RBMS3: variants seen among roughly 807,000 people sequenced by gnomAD.
RBMS3 encodes the protein RNA binding motif single stranded interacting protein 3.
Under a neutral mutation model 66.8 loss-of-function variants are expected in RBMS3, and 27 were observed. The observed-to-expected ratio is 0.40, with a 90% confidence interval of 0.30 to 0.56. The LOEUF (loss-of-function observed/expected upper bound fraction) is 0.56. Among genes scored for constraint, RBMS3 ranks in the 20% least tolerant of loss-of-function variants. RBMS3 has a pLI of 0.40. For missense variants in RBMS3, 513 were observed against 549.5 expected, an observed-to-expected ratio of 0.93 and a Z score of 0.66; for synonymous variants, 188 against 183.0, an observed-to-expected ratio of 1.03 and a Z score of -0.22.
intron 1 of RBMS3, among the ~76,000 whole-genome samples, chr3:29,286,675 G>A (rs1409153657): frequency 6.6e-6 from 1 of 152,000 alleles, no homozygotes; most frequent in Non-Finnish European, 1.5e-5. Flanking sequence ...GAGGATGCAA[G>A]TTCATTCTAG....
At chr3:29,486,119 G>A (rs528812527) in intron 2 of RBMS3, among the ~76,000 whole-genome samples, 59 of 151,966 alleles carry the variant, frequency 3.9e-4, no homozygotes, top group African/African-American at 1.4e-3. Flanking sequence ...TGGTGGTTAC[G>A]TCTTTAAAAA....
intron 1 of RBMS3, among the ~76,000 whole-genome samples, chr3:29,311,671 G>T (rs2125467549): frequency 6.6e-6 from 1 of 151,926 alleles, no homozygotes; most frequent in African/African-American, 2.4e-5. Flanking sequence ...CCACTATAGA[G>T]TAATAGGCGT....
chr3:29,539,801 G>A (rs988158015), intron 3 of RBMS3, among the ~76,000 whole-genome samples: 9 of 152,246 alleles, frequency 5.9e-5, no homozygotes, highest in South Asian at 4.2e-4. Context: ...CAAAATTTTT[G>A]AATACTCAAA....
intron 12 of RBMS3, among the ~76,000 whole-genome samples, chr3:29,984,264 G>A (rs1159165305): frequency 3.3e-5 from 5 of 151,732 alleles, no homozygotes; most frequent in South Asian, 2.1e-4. Flanking sequence ...GCTCCATCAG[G>A]TCATATATGT....
intron 3 of RBMS3, among the ~76,000 whole-genome samples, chr3:29,567,266 C>T (rs2046777247): frequency 6.6e-6 from 1 of 151,940 alleles, no homozygotes; most frequent in South Asian, 2.1e-4. Flanking sequence ...GACTGGTTCC[C>T]AAAAAGGATG....
intron 7 of RBMS3, among the ~76,000 whole-genome samples, chr3:29,875,319 C>T (rs2059587640): frequency 6.6e-6 from 1 of 152,166 alleles, no homozygotes; most frequent in Non-Finnish European, 1.5e-5. Flanking sequence ...CTGGAACTCT[C>T]CTCTATCTAG....
At chr3:29,550,515 A>G (rs1053389182) in intron 3 of RBMS3, among the ~76,000 whole-genome samples, 1 of 152,190 alleles carries the variant, frequency 6.6e-6, no homozygotes, top group South Asian at 2.1e-4. Context: ...TTCAAATAGT[A>G]TAATAGTAAA....
At chr3:29,818,359 C>T (rs543430273) in intron 6 of RBMS3, among the ~76,000 whole-genome samples, 19 of 150,518 alleles carry the variant, frequency 1.3e-4, no homozygotes, top group African/African-American at 3.9e-4. Flanking sequence ...AACTGTGAGA[C>T]GATGTTTTTT....
intron 4 of RBMS3, among the ~76,000 whole-genome samples, chr3:29,682,689 G>T (rs555951315): frequency 6.6e-6 from 1 of 152,314 alleles, no homozygotes; most frequent in African/African-American, 2.4e-5. Context: ...GAAGGGCACA[G>T]AGTACCACTC....
At chr3:29,762,778 C>T (rs2055750199) in intron 5 of RBMS3, 132 bp from the exon 6 acceptor site, 1 of 659,082 alleles carries the variant, frequency 1.5e-6, no homozygotes, top group East Asian at 2.8e-5. Context: ...TCATCATGTT[C>T]ATGAAAAAAG....
intron 6 of RBMS3, among the ~76,000 whole-genome samples, chr3:29,829,863 C>T (rs1423274693): frequency 2.0e-5 from 3 of 152,128 alleles, no homozygotes; most frequent in African/African-American, 7.2e-5. Context: ...ATTTACACTG[C>T]ATTGCAGTCC....
chr3:29,585,164 A>T (rs2047470242), intron 3 of RBMS3, among the ~76,000 whole-genome samples: 1 of 152,146 alleles, frequency 6.6e-6, no homozygotes, highest in Non-Finnish European at 1.5e-5. Context: ...TTGAATGAAT[A>T]AATAAGCCGA....
In RBMS3 at chr3:30,010,066, A is replaced by AG. The variant is rs1178230132; in HGVS notation, c.*6205dup. ...TAGTAGTATCTGCTATGAGATATTC[A>AG]GTCTCTATAAAAAAAAAAAGGGACA... On this transcript the variant is annotated 3_prime_UTR_variant, in exon 15 of 15. Transcript: ENST00000383767. The AG allele has an allele frequency of 1.4e-5, 2 of 143,470 alleles. No individual in the cohort carries two copies. The highest frequency in any genetic ancestry group is 3.0e-5 in the Non-Finnish European group (2 of 67,660). 8.9% of individuals were successfully genotyped at this position (143,470 alleles called of 1,614,324 possible). A position where few individuals can be genotyped will look rare whatever the true frequency, so the allele number is the denominator to read the frequency against.
intron 6 of RBMS3, among the ~76,000 whole-genome samples, chr3:29,771,187 T>A (rs1055005774): frequency 1.3e-5 from 2 of 152,016 alleles, no homozygotes; most frequent in African/African-American, 4.8e-5. Context: ...ATGAATCAAT[T>A]ATTTGAGTAA....
chr3:29,782,892 G>A (rs2056687591), intron 6 of RBMS3, among the ~76,000 whole-genome samples: 1 of 152,006 alleles, frequency 6.6e-6, no homozygotes, highest in Admixed American at 6.6e-5. Flanking sequence ...AAATGCACTA[G>A]AAAGTCTCAG....
At chr3:29,715,776 A>G (rs1248517744) in intron 4 of RBMS3, among the ~76,000 whole-genome samples, 1 of 152,130 alleles carries the variant, frequency 6.6e-6, no homozygotes, top group African/African-American at 2.4e-5. Flanking sequence ...TGTTCAGGGT[A>G]TACTACCTGC....
intron 4 of RBMS3, among the ~76,000 whole-genome samples, chr3:29,598,401 A>G (rs569125701): frequency 4.6e-4 from 70 of 152,224 alleles, no homozygotes; most frequent in African/African-American, 1.5e-3. Flanking sequence ...TGAAAGACCA[A>G]GGTTAATAGG....
At chr3:29,607,834 A>C (rs1252994616) in intron 4 of RBMS3, among the ~76,000 whole-genome samples, 1 of 152,004 alleles carries the variant, frequency 6.6e-6, no homozygotes, top group Admixed American at 6.6e-5. Context: ...CTTGATCATA[A>C]ATTTTGTATA....
intron 4 of RBMS3, among the ~76,000 whole-genome samples, chr3:29,620,179 G>A (rs1445017778): frequency 2.6e-5 from 4 of 151,986 alleles, no homozygotes. Context: ...TTTTTTCTTG[G>A]CTAGCATGAA....
Sources: gnomAD v4.1 joint callset for allele counts (sites outside exome capture counted in the v4.1 genomes callset) on GRCh38, gnomAD v4.1.1 for gene constraint, MANE v1.5 for transcripts, NCBI Gene and HGNC (gene_info 2026-07-23, HGNC 2026-07-21) for gene names.